Variants in SLC22A11 observed in about 807,000 individuals in gnomAD.
SLC22A11 encodes the protein organic anion transporter 4.
A neutral mutation model predicts 49.4 loss-of-function variants in SLC22A11; 42 were observed. That is an observed-to-expected ratio of 0.85 (90% CI 0.66 to 1.10). The LOEUF is 1.10. SLC22A11 is among the 50% of genes least tolerant of loss of function. SLC22A11 has a pLI of 0.00. For missense variants in SLC22A11, 685 were observed against 731.6 expected (o/e 0.94, Z 0.74); for synonymous variants, 304 against 315.8 (o/e 0.96, Z 0.40).
chr11:64,559,632 A>G (rs1024573002), intron 2 of SLC22A11, among the ~76,000 whole-genome samples: 1 of 152,082 alleles, frequency 6.6e-6, no homozygotes, highest in African/African-American at 2.4e-5. Context: ...AGGCCTTTCC[A>G]GAAGCCTCAC....
chr11:64,567,895 T>C, intron 7 of SLC22A11, 82 bp downstream of exon 7: 1 of 1,401,840 alleles, frequency 7.1e-7, no homozygotes, highest in Non-Finnish European at 9.6e-7. Flanking sequence ...CCACATCCCC[T>C]CCCTGGCCCC....
In SLC22A11 at chr11:64,559,123, C is replaced by T. The variant is rs768174868; in HGVS notation, c.394-12C>T. 1.3e-5 allele frequency: 21 copies of T among 1,609,566 alleles called. No individual in the cohort carries two copies. The Admixed American group carries it at 3.3e-4, about 26-fold the overall frequency. ...ACCCCCCGAGCTGAGCCACTGCACC[C>T]TCCTCTTGCAGTGGGACCTGGTGTG... On this transcript the variant is annotated splice_polypyrimidine_tract_variant and intron_variant, in intron 1 of 9. Coordinates refer to ENST00000301891, the MANE Select transcript of SLC22A11 (RefSeq NM_018484.4).
rs1337269030 is a variant in SLC22A11 at position 64,565,620 on chromosome 11, A to T, written c.1058+283A>T. On this transcript the variant is annotated intron_variant, in intron 6 of 9. Transcript: ENST00000301891. This position sits in a 1 kb window ranked among gnomAD's most constrained non-coding sequence, Gnocchi z 4.1. ...CCCAGGGTCCCAGGGAGGTCCCAAGACAGAGGCAGAGCCAGGGTCCCTAGA... is the reference window on the plus strand; with the variant it reads ...CCCAGGGTCCCAGGGAGGTCCCAAGTCAGAGGCAGAGCCAGGGTCCCTAGA... The T allele has an allele frequency of 1.9e-6, 1 of 519,526 alleles. No individual in the cohort carries two copies. Among genetic ancestry groups the T allele is most frequent in the East Asian group, 5.0e-5 (1 of 20,200 alleles). The allele number at this position is 519,526 out of a possible 1,614,324, so 32.2% of individuals were successfully genotyped here.
chr11:64,571,360 A>G lies in SLC22A11; in HGVS notation c.*318A>G. 3.1e-6 allele frequency: 1 copy of G among 321,940 alleles called. No individual in the cohort carries two copies. Among genetic ancestry groups the G allele is most frequent in the South Asian group, 4.8e-5 (1 of 20,996 alleles). 19.9% of individuals were successfully genotyped at this position (321,940 alleles called of 1,614,324 possible). A position where few individuals can be genotyped will look rare whatever the true frequency, so the allele number is the denominator to read the frequency against. On this transcript the variant is annotated 3_prime_UTR_variant, in exon 10 of 10. Transcript: ENST00000301891. ...GCCAGGCTCATGTCTTTACACCTTC[A>G]CTCAGCCACGCCAACCAGAGACTGG...
At position 64,568,756 on chromosome 11, in the gene SLC22A11, G is replaced by C. The variant is rs775329669; in HGVS notation, c.1360G>C (p.Glu454Gln). The change falls in exon 8 of 10, where the codon GAA becomes CAA. Residue 454 changes from glutamate (E) to glutamine (Q), a missense_variant. Physicochemically the swap from Glu to Gln is conservative, Grantham distance 29. Coordinates refer to ENST00000301891, the MANE Select transcript of SLC22A11 (RefSeq NM_018484.4). ...SLTCLTIYKAELFPTPVRMTA... is the reference protein window; with the variant it reads ...SLTCLTIYKAQLFPTPVRMTA... ...AACCTGCCTCACCATCTACAAGGCT[G>C]AACTCTTTCCAACGCCAGTGCGGTA... 6.2e-7 allele frequency: 1 copy of C among 1,613,988 alleles called. No homozygotes were observed. Among genetic ancestry groups the C allele is most frequent in the East Asian group, 2.2e-5 (1 of 44,872 alleles).
At chr11:64,563,484 G>A (rs1202567616) in intron 4 of SLC22A11, among the ~76,000 whole-genome samples, 1 of 151,896 alleles carries the variant, frequency 6.6e-6, no homozygotes, top group East Asian at 1.9e-4. Flanking sequence ...GAGCCGGTGG[G>A]TTGGGCAGAT....
intron 8 of SLC22A11, 65 bp from the exon 9 acceptor site, chr11:64,569,587 C>G: frequency 6.6e-7 from 1 of 1,526,440 alleles, no homozygotes; most frequent in Non-Finnish European, 8.9e-7. Flanking sequence ...ATCTGTGAGC[C>G]CAGGATGTCT....
At chr11:64,559,320 G>A in intron 2 of SLC22A11, 82 bp downstream of exon 2, 1 of 1,130,146 alleles carries the variant, frequency 8.8e-7, no homozygotes, top group Non-Finnish European at 1.2e-6. Context: ...AGAAATGTCA[G>A]GCAAACACCC....
At chr11:64,569,899 T>C (rs1246187926) in intron 9 of SLC22A11, 41 bp downstream of exon 9, 1 of 1,598,868 alleles carries the variant, frequency 6.3e-7, no homozygotes, top group South Asian at 1.1e-5. Flanking sequence ...CTGGGCTTCC[T>C]CCTGGGCCAA....
Position 64,571,608 on chromosome 11 carries a change from C to A in SLC22A11, c.*566C>A, listed in dbSNP as rs1343702917. 1 of 153,164 alleles carries A rather than the reference C, an allele frequency of 6.5e-6. No individual in the cohort carries two copies. The highest frequency in any genetic ancestry group is 1.9e-4 in the East Asian group (1 of 5,200). The allele number at this position is 153,164 out of a possible 1,614,324, so 9.5% of individuals were successfully genotyped here. On this transcript the variant is annotated 3_prime_UTR_variant, in exon 10 of 10. Transcript: ENST00000301891. ...GGTCTGAAACTCAGCCCCGGCTACACTGGCCCCACCACCCACCCTAGCAAA... is the reference window on the plus strand; with the variant it reads ...GGTCTGAAACTCAGCCCCGGCTACAATGGCCCCACCACCCACCCTAGCAAA...
intron 6 of SLC22A11, chr11:64,566,533 C>G (rs1027426793): frequency 6.6e-6 from 1 of 151,034 alleles, no homozygotes; most frequent in Non-Finnish European, 1.5e-5. Context: ...TCCCAGGGGC[C>G]GGCTCTGCAA....
rs908263311 is a variant in SLC22A11, at chr11:64,556,592, G to A, written c.393+200G>A. Among the ~76,000 whole-genome samples, 7 of 152,140 alleles carry A rather than the reference G, an allele frequency of 4.6e-5. No individual in the cohort carries two copies. In the South Asian group the frequency reaches 1.0e-3, roughly 22 times the overall value. ...GGCCAGCCCAGGCTCCTGGTAGTGC[G>A]GGGGGCACCTGGGTGGGCACCTCTG... On this transcript the variant is annotated intron_variant, in intron 1 of 9. Transcript: ENST00000301891.
chr11:64,565,375 G>C lies in SLC22A11; in HGVS notation c.1058+38G>C. Reference sequence around the variant, plus strand: ...GGTGTCCCTCCCCAAGGCAGGGCTGGGACAGGCAGGAGGCAGAGCTGGGAC... The same window carrying C: ...GGTGTCCCTCCCCAAGGCAGGGCTGCGACAGGCAGGAGGCAGAGCTGGGAC... On this transcript the variant is annotated intron_variant, in intron 6 of 9. Coordinates refer to ENST00000301891, the MANE Select transcript of SLC22A11 (RefSeq NM_018484.4). This position sits in a 1 kb window ranked among gnomAD's most constrained non-coding sequence, Gnocchi z 4.1. 1 of 1,515,654 alleles carries C rather than the reference G, an allele frequency of 6.6e-7. No homozygotes were observed. The highest frequency in any genetic ancestry group is 8.9e-7 in the Non-Finnish European group (1 of 1,122,338). The allele number at this position is 1,515,654 out of a possible 1,614,324, so 93.9% of individuals were successfully genotyped here. A position where few individuals can be genotyped will look rare whatever the true frequency, so the allele number is the denominator to read the frequency against.
At chr11:64,559,956 A>C (rs1591372799) in intron 2 of SLC22A11, among the ~76,000 whole-genome samples, 2 of 149,584 alleles carry the variant, frequency 1.3e-5, no homozygotes, top group Non-Finnish European at 3.0e-5. Flanking sequence ...GAACATCCTC[A>C]CTCCTGGTTT....
At chr11:64,568,834 GTGGGAAGGGAAAGAAGGGTC>G in intron 8 of SLC22A11, 56 bp downstream of exon 8, 51 of 1,495,810 alleles carry the variant, frequency 3.4e-5, no homozygotes, top group Non-Finnish European at 4.7e-5. Context: ...TGAGAGGGCG[GTGGGAAGGGAAAGAAGGGTC>G]TGGCAGCCAG....
chr11:64,565,694 G>A lies in SLC22A11; in HGVS notation c.1058+357G>A. ...GGAGTACCACTGTGTGTCATCGTTA[G>A]AGACTTACCACTTTCCTAGAGACCA... On this transcript the variant is annotated intron_variant, in intron 6 of 9. Transcript: ENST00000301891. This position sits in a 1 kb window ranked among gnomAD's most constrained non-coding sequence, Gnocchi z 4.1. The A allele has an allele frequency of 2.6e-6, 1 of 387,808 alleles. No homozygotes were observed. Among genetic ancestry groups the A allele is most frequent in the Non-Finnish European group, 5.1e-6 (1 of 196,364 alleles). The allele number at this position is 387,808 out of a possible 1,614,324, so 24.0% of individuals were successfully genotyped here.
At position 64,565,742 on chromosome 11, in the gene SLC22A11, A is replaced by C. The variant is rs913198560; in HGVS notation, c.1058+405A>C. The C allele has an allele frequency of 5.7e-6, 2 of 353,658 alleles. No individual in the cohort carries two copies. Among genetic ancestry groups the C allele is most frequent in the African/African-American group, 4.3e-5 (2 of 46,784 alleles). The allele number at this position is 353,658 out of a possible 1,614,324, so 21.9% of individuals were successfully genotyped here. A position where few individuals can be genotyped will look rare whatever the true frequency, so the allele number is the denominator to read the frequency against. On this transcript the variant is annotated intron_variant, in intron 6 of 9. Coordinates refer to ENST00000301891, the MANE Select transcript of SLC22A11 (RefSeq NM_018484.4). The surrounding 1 kb of genome is among the most constrained non-coding windows in gnomAD (Gnocchi z 4.1). Reference sequence around the variant, plus strand: ...CCATGGCCATGCTCCTAGAGGGTGAACCTGCATTCGCTGACCCCTCCATGC... The same window carrying C: ...CCATGGCCATGCTCCTAGAGGGTGACCCTGCATTCGCTGACCCCTCCATGC...
chr11:64,572,116 T>C lies in SLC22A11; in HGVS notation c.*1074T>C, dbSNP rs1355689941. On this transcript the variant is annotated 3_prime_UTR_variant, in exon 10 of 10. Transcript: ENST00000301891. ...CAAGGCCTTCTGGCTTTGCCAGATG[T>C]CAAGGGCAGCACCTAATACTGAACC... 6.6e-6 allele frequency: 1 copy of C among 152,292 alleles called. No homozygotes were observed. Among genetic ancestry groups the C allele is most frequent in the Non-Finnish European group, 1.5e-5 (1 of 68,090 alleles). The allele number at this position is 152,292 out of a possible 1,614,324, so 9.4% of individuals were successfully genotyped here. A position where few individuals can be genotyped will look rare whatever the true frequency, so the allele number is the denominator to read the frequency against.
chr11:64,567,765 C>T lies in SLC22A11; in HGVS notation c.1225C>T (p.Gln409Ter), dbSNP rs1304600233. 1 of 1,612,178 alleles carries T rather than the reference C, an allele frequency of 6.2e-7. No homozygotes were observed. The change falls in exon 7 of 10, where the codon CAG becomes TAG. Residue 409 changes from glutamine (Q) to a stop codon, truncating the protein, a stop_gained. Coordinates refer to ENST00000301891, the MANE Select transcript of SLC22A11 (RefSeq NM_018484.4). LOFTEE classifies it high-confidence loss of function. ...CCGCCGCACCATCCAGGCGGGTTCC[C>T]AGGCCATGGCCGGCCTCGCCATTCT... ...LGRRTIQAGS[Q>*]AMAGLAILAN...
Sources: gnomAD v4.1 joint callset for allele counts (sites outside exome capture counted in the v4.1 genomes callset) on GRCh38, gnomAD v4.1.1 for gene constraint, Gnocchi (gnomAD v3.1) non-coding constraint, MANE v1.5 for transcripts, NCBI Gene and HGNC (gene_info 2026-07-23, HGNC 2026-07-21) for gene names.